The following INTU variants were observed in gnomAD, a reference collection of about 807,000 sequenced individuals.
The protein encoded by INTU is protein inturned.
In INTU, 68 loss-of-function variants were observed where a neutral mutation model predicts 100.5. That is an observed-to-expected ratio of 0.68 (90% CI 0.56 to 0.83). The LOEUF (loss-of-function observed/expected upper bound fraction) is 0.83, where lower values mean the gene tolerates loss of function less well. Ranked by LOEUF, INTU falls within the 40% of genes least tolerant of loss-of-function variation. INTU has a pLI of 0.00. For missense variants in INTU, 1,071 were observed against 1,114.7 expected (o/e 0.96, Z 0.56); for synonymous variants, 357 against 395.7 (o/e 0.90, Z 1.16).
intron 6 of INTU, among the ~76,000 whole-genome samples, chr4:127,682,260 G>A (rs974664228): frequency 5.9e-4 from 89 of 152,094 alleles, no homozygotes; most frequent in Non-Finnish European, 9.7e-4. Flanking sequence ...CTGGGTATAT[G>A]CCCAAAGGAC....
chr4:127,704,401 G>T, intron 10 of INTU, 111 bp downstream of exon 10: 1 of 827,678 alleles, frequency 1.2e-6, no homozygotes, highest in East Asian at 2.5e-5. Flanking sequence ...TCAAATGTAG[G>T]TACCATAAGA....
At chr4:127,694,322 A>T (rs1372879493) in intron 8 of INTU, among the ~76,000 whole-genome samples, 1 of 151,668 alleles carries the variant, frequency 6.6e-6, no homozygotes, top group Non-Finnish European at 1.5e-5. Flanking sequence ...CCAGGAATTT[A>T]TCCATCTCTT....
Position 127,690,250 on chromosome 4 carries a change from T to C in INTU, c.1449+2383T>C, listed in dbSNP as rs368692115. On this transcript the variant is annotated intron_variant, in intron 8 of 15. Transcript: ENST00000335251. The stretch of plus-strand genomic sequence containing the variant: ...TATTTCTTTAAAAGATTTATATGCT[T>C]TTCTTTATTTCACCCTAAAAGAATA... 6.6e-5 allele frequency among the ~76,000 whole-genome samples: 10 copies of C among 152,230 alleles called. No individual in the cohort carries two copies. In the East Asian group the frequency reaches 9.6e-4, roughly 15 times the overall value.
chr4:127,682,791 A>ATT (rs1318087782), intron 6 of INTU, among the ~76,000 whole-genome samples: 2 of 152,018 alleles, frequency 1.3e-5, no homozygotes, highest in African/African-American at 4.8e-5. Context: ...AAAGAAATAA[A>ATT]TTATGGGTTT....
intron 3 of INTU, among the ~76,000 whole-genome samples, chr4:127,660,745 A>G (rs1413219165): frequency 1.3e-5 from 2 of 152,188 alleles, no homozygotes; most frequent in Non-Finnish European, 2.9e-5. Flanking sequence ...CACAAAGAAG[A>G]GGGACATAGG....
chr4:127,699,788 A>G (rs1730564478), intron 8 of INTU, among the ~76,000 whole-genome samples: 2 of 152,206 alleles, frequency 1.3e-5, no homozygotes, highest in South Asian at 4.1e-4. Flanking sequence ...GTTGTTTTAT[A>G]TTTGCAAAGC....
Position 127,656,721 on chromosome 4 carries a change from G to A in INTU, c.768G>A (p.Gln256=). 6.4e-7 allele frequency: 1 copy of A among 1,561,206 alleles called. No homozygotes were observed. The highest frequency in any genetic ancestry group is 1.2e-5 in the South Asian group (1 of 85,860). ...RVLSCIPGPM[Q]VKLTFENAYD... ...TGTCTTGCATTCCTGGACCTATGCA[G>A]GTATGGACATTCTTTTTCTATATTT... Residue 256 remains glutamine, a splice_region_variant and synonymous_variant, in exon 3 of 16, where the codon CAG becomes CAA. Transcript: ENST00000335251.
In INTU at chr4:127,663,404, A is replaced by G. The variant is rs561534751; in HGVS notation, c.792A>G (p.Ala264=). The change falls in exon 4 of 16, where the codon GCA becomes GCG. Residue 264 remains alanine, a synonymous_variant. Transcript: ENST00000335251. ...AGGTGAAACTGACATTTGAAAATGC[A>G]TATGATGTGAAAAGGGAGACGTCCC... is the stretch of plus-strand genomic sequence containing the variant. ...PMQVKLTFEN[A]YDVKRETSHP... 9.9e-6 allele frequency: 16 copies of G among 1,612,904 alleles called. No individual in the cohort carries two copies. The East Asian group carries it at 1.3e-4, about 13-fold the overall frequency.
At chr4:127,694,061 G>A (rs1321289660) in intron 8 of INTU, among the ~76,000 whole-genome samples, 1 of 152,036 alleles carries the variant, frequency 6.6e-6, no homozygotes, top group Non-Finnish European at 1.5e-5. Context: ...CCCTGGTTTG[G>A]GTGTTAGGGT....
chr4:127,682,665 C>T (rs1346838390), intron 6 of INTU, among the ~76,000 whole-genome samples: 2 of 151,186 alleles, frequency 1.3e-5, no homozygotes, highest in African/African-American at 2.4e-5. Flanking sequence ...TTAATGGGTG[C>T]AGCACACCAG....
chr4:127,681,029 G>A (rs1661744960), intron 6 of INTU, among the ~76,000 whole-genome samples: 1 of 151,514 alleles, frequency 6.6e-6, no homozygotes, highest in African/African-American at 2.4e-5. Context: ...AAAATACCTA[G>A]GAATCCAACT....
chr4:127,673,701 C>T (rs1283682333), intron 5 of INTU, among the ~76,000 whole-genome samples: 3 of 151,736 alleles, frequency 2.0e-5, no homozygotes, highest in Non-Finnish European at 4.4e-5. Context: ...GGTTCAAGCA[C>T]TTCTCATACC....
intron 12 of INTU, among the ~76,000 whole-genome samples, chr4:127,707,307 C>T (rs1446410709): frequency 7.4e-6 from 1 of 135,278 alleles, no homozygotes; most frequent in Non-Finnish European, 1.5e-5. Context: ...TGCTTAAACT[C>T]AGGAGGCAGA....
chr4:127,710,953 G>A lies in INTU; in HGVS notation c.2410G>A (p.Ala804Thr). Reference sequence around the variant, plus strand: ...TGAGAACACACTTTTCCACTACGTTGCCTTAGAAACAGTGCAAGGAATCTT... The same window carrying A: ...TGAGAACACACTTTTCCACTACGTTACCTTAGAAACAGTGCAAGGAATCTT... ...GPENTLFHYV[A>T]LETVQGIFIT... Residue 804 changes from alanine to threonine, a missense_variant, in exon 14 of 16, where the codon GCC becomes ACC. Transcript: ENST00000335251. The A allele has an allele frequency of 6.5e-7, 1 of 1,531,748 alleles. No homozygotes were observed. The highest frequency in any genetic ancestry group is 8.9e-7 in the Non-Finnish European group (1 of 1,126,386). The allele number at this position is 1,531,748 out of a possible 1,614,324, so 94.9% of individuals were successfully genotyped here. A position where few individuals can be genotyped will look rare whatever the true frequency, so the allele number is the denominator to read the frequency against.
chr4:127,684,270 A>G lies in INTU; in HGVS notation c.1182-139A>G, dbSNP rs1395282857. The G allele has an allele frequency of 4.8e-5, 27 of 568,400 alleles. No individual in the cohort carries two copies. In the Admixed American group the frequency reaches 9.8e-4, roughly 21 times the overall value. 35.2% of individuals were successfully genotyped at this position (568,400 alleles called of 1,614,324 possible). A position where few individuals can be genotyped will look rare whatever the true frequency, so the allele number is the denominator to read the frequency against. On this transcript the variant is annotated intron_variant, in intron 6 of 15. Transcript: ENST00000335251. ...TGATCAATGGTCATTGAAAGCGACC[A>G]TTTTGTACAGCTTTACTCAGAGTTG...
intron 1 of INTU, among the ~76,000 whole-genome samples, chr4:127,642,474 AT>A (rs1008855097): frequency 4.6e-5 from 7 of 152,328 alleles, no homozygotes; most frequent in African/African-American, 1.7e-4. Context: ...AGAAAGAGAC[AT>A]TTGACTTTTA....
chr4:127,636,768 A>C (rs1427166295), intron 1 of INTU, among the ~76,000 whole-genome samples: 1 of 152,142 alleles, frequency 6.6e-6, no homozygotes, highest in Non-Finnish European at 1.5e-5. Context: ...TTAACATGGG[A>C]ACATACTAGT....
intron 1 of INTU, among the ~76,000 whole-genome samples, chr4:127,638,362 A>T (rs1385129910): frequency 6.6e-6 from 1 of 152,236 alleles, no homozygotes; most frequent in African/African-American, 2.4e-5. Flanking sequence ...CAGATTTGGA[A>T]TAGTAGCAAG....
Position 127,706,771 on chromosome 4 carries a change from A to G in INTU, c.2073A>G (p.Thr691=). 2.5e-6 allele frequency: 4 copies of G among 1,614,072 alleles called. No homozygotes were observed. The highest frequency in any genetic ancestry group is 3.4e-6 in the Non-Finnish European group (4 of 1,179,938). The change falls in exon 12 of 16, where the codon ACA becomes ACG. Residue 691 remains threonine, a synonymous_variant. Transcript: ENST00000335251. The stretch of plus-strand genomic sequence containing the variant: ...CTTCCAAAGTAGCAACTTCTCCAAC[A>G]TGCAGAAGAACGCTTTTTGGTGACT... ...QGTSKVATSP[T]CRRTLFGDYS...
Sources: allele counts gnomAD v4.1 joint callset (sites outside exome capture counted in the v4.1 genomes callset), GRCh38; gene constraint gnomAD v4.1.1; transcripts MANE v1.5; gene names NCBI Gene and HGNC (gene_info 2026-07-23, HGNC 2026-07-21).